NCOA6: variants seen among roughly 807,000 people sequenced by gnomAD.
NCOA6 encodes nuclear receptor coactivator 6.
NCOA6 carries 49 observed loss-of-function variants against 171.4 expected under a neutral mutation model. The ratio of observed to expected loss-of-function variants is 0.29; its 90% CI spans 0.23 to 0.36. The LOEUF (loss-of-function observed/expected upper bound fraction) is 0.36, where lower values mean the gene tolerates loss of function less well. Among genes scored for constraint, NCOA6 ranks in the 10% least tolerant of loss-of-function variants. NCOA6 has a pLI of 1.00. For synonymous variants in NCOA6, 910 were observed against 927.5 expected (o/e 0.98, Z 0.34); for missense variants, 2,248 against 2,554.5 (o/e 0.88, Z 2.59).
intron 1 of NCOA6, among the ~76,000 whole-genome samples, chr20:34,796,649 C>T (rs1484827653): frequency 1.3e-5 from 2 of 151,742 alleles, no homozygotes; most frequent in Non-Finnish European, 2.9e-5. Flanking sequence ...ATTGTTTCAA[C>T]TAAAAAAAAT....
At chr20:34,765,464 GGT>G (rs1293751677) in intron 5 of NCOA6, among the ~76,000 whole-genome samples, 2 of 150,938 alleles carry the variant, frequency 1.3e-5, no homozygotes, top group African/African-American at 4.9e-5. Context: ...AAAAGAAACA[GGT>G]CTTCTTGGTC....
At chr20:34,721,229 T>C (rs1600720858) in intron 14 of NCOA6, among the ~76,000 whole-genome samples, 1 of 83,030 alleles carries the variant, frequency 1.2e-5, no homozygotes, top group Admixed American at 1.7e-4. Flanking sequence ...TTCCCCTTCT[T>C]CCTCTATACA....
At chr20:34,734,718 C>G (rs1393704958) in intron 12 of NCOA6, among the ~76,000 whole-genome samples, 3 of 151,596 alleles carry the variant, frequency 2.0e-5, no homozygotes, top group Non-Finnish European at 4.4e-5. Flanking sequence ...ATGGCGCAAT[C>G]TCCGGCTCAC....
intron 1 of NCOA6, among the ~76,000 whole-genome samples, chr20:34,815,718 A>G (rs2078813443): frequency 6.6e-6 from 1 of 152,114 alleles, no homozygotes; most frequent in African/African-American, 2.4e-5. Flanking sequence ...ACTCACCAAG[A>G]AGAGAGGGCT....
At chr20:34,718,766 A>G (rs1988925188) in intron 14 of NCOA6, among the ~76,000 whole-genome samples, 1 of 152,210 alleles carries the variant, frequency 6.6e-6, no homozygotes, top group Non-Finnish European at 1.5e-5. Context: ...TCAGCCTCCC[A>G]GAACGTTAGG....
rs1555808783 is a variant in NCOA6, at chr20:34,715,254, C to CA, written c.*67dup. 1.2e-5 allele frequency: 20 copies of CA among 1,605,994 alleles called. No homozygotes were observed. The highest frequency in any genetic ancestry group is 1.7e-5 in the Admixed American group (1 of 59,648). On this transcript the variant is annotated 3_prime_UTR_variant, in exon 15 of 15. Coordinates refer to ENST00000359003, the MANE Select transcript of NCOA6 (RefSeq NM_014071.5). Reference sequence around the variant, plus strand: ...TGTACAGAAATTGATTTAAAAAAGTCACAGCTCAAAATTGCTCTTTGTAAA... The same window carrying CA: ...TGTACAGAAATTGATTTAAAAAAGTCAACAGCTCAAAATTGCTCTTTGTAAA...
At chr20:34,807,790 G>T (rs1257289455) in intron 1 of NCOA6, among the ~76,000 whole-genome samples, 1 of 151,638 alleles carries the variant, frequency 6.6e-6, no homozygotes, top group African/African-American at 2.4e-5. Context: ...CTCCCAAAGT[G>T]CTGGGATTAC....
At chr20:34,800,192 C>A (rs1168585512) in intron 1 of NCOA6, among the ~76,000 whole-genome samples, 1 of 151,754 alleles carries the variant, frequency 6.6e-6, no homozygotes, top group African/African-American at 2.4e-5. Flanking sequence ...TTATTTGCAA[C>A]CCTCATGATA....
intron 14 of NCOA6, among the ~76,000 whole-genome samples, chr20:34,722,774 TCAG>T (rs1198535042): frequency 1.3e-5 from 2 of 150,584 alleles, no homozygotes; most frequent in African/African-American, 4.9e-5. Context: ...TCACTTGAGG[TCAG>T]GACTTCGAGA....
At chr20:34,746,602 G>A (rs2076309398) in intron 10 of NCOA6, among the ~76,000 whole-genome samples, 1 of 152,120 alleles carries the variant, frequency 6.6e-6, no homozygotes, top group South Asian at 2.1e-4. Flanking sequence ...TGAATAGAAT[G>A]TGTGTGTGTA....
intron 5 of NCOA6, among the ~76,000 whole-genome samples, chr20:34,759,161 G>A (rs977926225): frequency 1.3e-5 from 2 of 151,788 alleles, no homozygotes; most frequent in Non-Finnish European, 2.9e-5. Context: ...CTGGGACCAT[G>A]GGCACATGCC....
intron 1 of NCOA6, among the ~76,000 whole-genome samples, chr20:34,816,385 G>A (rs562808225): frequency 8.6e-5 from 13 of 152,030 alleles, no homozygotes; most frequent in Non-Finnish European, 1.6e-4. Context: ...GGAGTAGGGT[G>A]GGACCTACTA....
intron 1 of NCOA6, among the ~76,000 whole-genome samples, chr20:34,808,436 C>CTTT (rs957085400): frequency 6.4e-5 from 8 of 125,490 alleles, no homozygotes; most frequent in African/African-American, 9.0e-5. Context: ...CTTGTCTGTG[C>CTTT]TTTTTTTTTT....
chr20:34,718,164 G>C (rs1988840052), intron 14 of NCOA6, among the ~76,000 whole-genome samples: 1 of 152,144 alleles, frequency 6.6e-6, no homozygotes, highest in Non-Finnish European at 1.5e-5. Flanking sequence ...GTGGTTGGTG[G>C]GGAGAAGGAT....
At chr20:34,728,268 T>C (rs536896787) in intron 13 of NCOA6, among the ~76,000 whole-genome samples, 3 of 152,344 alleles carry the variant, frequency 2.0e-5, no homozygotes, top group East Asian at 3.9e-4. Context: ...GCTAGGTATA[T>C]TGATTGTCCA....
At chr20:34,794,021 T>C (rs1298872095) in intron 1 of NCOA6, among the ~76,000 whole-genome samples, 1 of 152,170 alleles carries the variant, frequency 6.6e-6, no homozygotes, top group Admixed American at 6.5e-5. Context: ...CTCCAAAAAT[T>C]TGATAATTTA....
intron 5 of NCOA6, among the ~76,000 whole-genome samples, chr20:34,764,067 T>C (rs1343960692): frequency 1.5e-5 from 2 of 130,788 alleles, no homozygotes; most frequent in Non-Finnish European, 3.2e-5. Context: ...CCCATCCCTC[T>C]GCTTCCAAGC....
intron 3 of NCOA6, among the ~76,000 whole-genome samples, chr20:34,780,954 T>A (rs563248010): frequency 6.6e-6 from 1 of 152,290 alleles, no homozygotes; most frequent in South Asian, 2.1e-4. Flanking sequence ...GTGCCTGGCC[T>A]AGGTTTGGTA....
chr20:34,750,361 G>C lies in NCOA6; in HGVS notation c.1834C>G (p.Gln612Glu). Residue 612 changes from glutamine to glutamate, a missense_variant, in exon 9 of 15, where the codon CAG becomes GAG. Around this residue, in one of 7 missense-constraint regions of NCOA6, gnomAD observed 987 missense variants for 1,104.7 expected, o/e 0.89. Coordinates refer to ENST00000359003, the MANE Select transcript of NCOA6 (RefSeq NM_014071.5). Reference sequence around the variant, plus strand: ...TGAGATGGTGGGCCCTGCTGGGGCTGGCCTTGCATGTTGCTGAGGTTCACT... The same window carrying C: ...TGAGATGGTGGGCCCTGCTGGGGCTCGCCTTGCATGTTGCTGAGGTTCACT... ...PQVNLSNMQG[Q>E]PQQGPPSQLM... is the part of the protein sequence containing the mutation. The C allele has an allele frequency of 6.2e-7, 1 of 1,614,092 alleles. No homozygotes were observed. The highest frequency in any genetic ancestry group is 1.1e-5 in the South Asian group (1 of 91,076).
Sources: allele counts gnomAD v4.1 joint callset (sites outside exome capture counted in the v4.1 genomes callset), GRCh38; gene constraint gnomAD v4.1.1; regional missense constraint gnomAD v4.1.1; transcripts MANE v1.5; gene names NCBI Gene and HGNC (gene_info 2026-07-23, HGNC 2026-07-21).